The following ANK2 variants were observed in gnomAD, a reference collection of about 807,000 sequenced individuals.
ANK2 encodes the protein ankyrin-2.
A neutral mutation model predicts 360.5 loss-of-function variants in ANK2; 83 were observed. The observed-to-expected ratio is 0.23, with a 90% CI of 0.19 to 0.28. The LOEUF is 0.28. Among genes scored for constraint, ANK2 ranks in the 10% least tolerant of loss-of-function variants. The pLI, the probability that ANK2 is intolerant of heterozygous loss-of-function variation, is 1.00. For missense variants in ANK2, 4,201 were observed against 4,795.7 expected (o/e 0.88, Z 3.66); for synonymous variants, 1,740 against 1,759.5 (o/e 0.99, Z 0.28).
chr4:113,090,763 G>A (rs1217202606), intron 1 of ANK2, among the ~76,000 whole-genome samples: 1 of 152,140 alleles, frequency 6.6e-6, no homozygotes, highest in Admixed American at 6.5e-5. Context: ...ATAATATTGG[G>A]CCAGCATTCC....
chr4:113,375,740 AAAAAAG>A (rs2096906519), intron 45 of ANK2, among the ~76,000 whole-genome samples: 1 of 151,666 alleles, frequency 6.6e-6, no homozygotes, highest in East Asian at 1.9e-4. Flanking sequence ...AAAAAAAGAA[AAAAAAG>A]AAAAAGAAAA....
At chr4:113,135,143 G>A (rs576783133) in intron 1 of ANK2, among the ~76,000 whole-genome samples, 2 of 151,938 alleles carry the variant, frequency 1.3e-5, no homozygotes, top group South Asian at 4.1e-4. Context: ...GGGTGTTTTT[G>A]CATTTACAAG....
chr4:112,916,317 A>T (rs181065027), intron 2 of ANK2, among the ~76,000 whole-genome samples: 3 of 152,340 alleles, frequency 2.0e-5, no homozygotes, highest in Admixed American at 6.5e-5. Context: ...CACTAAATGC[A>T]CTATACTAAA....
chr4:112,725,454 G>A, the ANK2 span, among the ~76,000 whole-genome samples: 6 of 135,762 alleles, frequency 4.4e-5, no homozygotes, highest in South Asian at 2.7e-4. Context: ...TCTGCCTCCC[G>A]GGTTCACGCG....
At chr4:113,139,760 C>T (rs1001008448) in intron 1 of ANK2, among the ~76,000 whole-genome samples, 1 of 152,160 alleles carries the variant, frequency 6.6e-6, no homozygotes, top group Non-Finnish European at 1.5e-5. Flanking sequence ...CTTCGGAAAG[C>T]TATGCAAGCT....
chr4:113,140,849 A>G (rs1448922495), intron 1 of ANK2, among the ~76,000 whole-genome samples: 1 of 152,032 alleles, frequency 6.6e-6, no homozygotes, highest in Non-Finnish European at 1.5e-5. Context: ...GTGGTGGTGC[A>G]CGCCTGCAGT....
intron 21 of ANK2, 43 bp downstream of exon 21, chr4:113,292,557 T>TC (rs762049614): frequency 3.6e-5 from 55 of 1,525,964 alleles, no homozygotes; most frequent in Non-Finnish European, 4.4e-5. Flanking sequence ...TTCTTCTTTT[T>TC]CCTCTCTTGC....
intron 1 of ANK2, among the ~76,000 whole-genome samples, chr4:112,822,288 T>C (rs2057333935): frequency 1.4e-5 from 2 of 143,586 alleles, no homozygotes; most frequent in East Asian, 2.0e-4. Flanking sequence ...CGTGGTGGCA[T>C]GTGCCTGTAG....
intron 1 of ANK2, among the ~76,000 whole-genome samples, chr4:113,133,653 G>T (rs2096213307): frequency 6.6e-6 from 1 of 152,120 alleles, no homozygotes; most frequent in Non-Finnish European, 1.5e-5. Context: ...AAAAAATAAT[G>T]GAGTTGAGGA....
At chr4:113,323,860 T>G (rs1466140845) in intron 26 of ANK2, 1 of 1,478,648 alleles carries the variant, frequency 6.8e-7, no homozygotes, top group Non-Finnish European at 9.3e-7. Flanking sequence ...CGCCATCTCC[T>G]TCTGCATATT....
intron 1 of ANK2, among the ~76,000 whole-genome samples, chr4:113,135,556 TATG>T (rs1447618537): frequency 6.8e-6 from 1 of 147,988 alleles, no homozygotes; most frequent in African/African-American, 2.5e-5. Flanking sequence ...TGTAGACATT[TATG>T]ATAAGAGTAA....
intron 1 of ANK2, among the ~76,000 whole-genome samples, chr4:112,839,723 T>C (rs1203115807): frequency 6.6e-6 from 1 of 152,238 alleles, no homozygotes; most frequent in Non-Finnish European, 1.5e-5. Context: ...TTACAATTAA[T>C]CCATGATATG....
chr4:112,904,470 A>C, exon 2 of ANK2: 1 of 1,489,856 alleles, frequency 6.7e-7, no homozygotes, highest in South Asian at 1.3e-5. Context: ...TAATGAAAAG[A>C]GACATGAAGA....
At chr4:112,760,469 G>C in the ANK2 span, among the ~76,000 whole-genome samples, 1 of 151,428 alleles carries the variant, frequency 6.6e-6, no homozygotes, top group African/African-American at 2.4e-5. Flanking sequence ...TTACAGGCGT[G>C]AGCCCCCGTG....
intron 2 of ANK2, among the ~76,000 whole-genome samples, chr4:113,194,042 T>G (rs1365100382): frequency 3.3e-5 from 5 of 152,162 alleles, no homozygotes; most frequent in African/African-American, 1.2e-4. Flanking sequence ...TTTCAGTTGT[T>G]TAATAATAAG....
At chr4:113,344,174 T>A (rs1431810235) in intron 34 of ANK2, among the ~76,000 whole-genome samples, 6 of 152,186 alleles carry the variant, frequency 3.9e-5, no homozygotes, top group Non-Finnish European at 5.9e-5. Context: ...ATTAAGCTAA[T>A]GTTTGACATC....
chr4:113,333,296 ATATGTGTGTG>A, intron 29 of ANK2, 88 bp downstream of exon 29: 3 of 1,387,338 alleles, frequency 2.2e-6, no homozygotes, highest in Non-Finnish European at 3.0e-6. Flanking sequence ...GGGTGTGTGT[ATATGTGTGTG>A]TGTGTGTGTG....
chr4:113,133,017 C>A (rs1456807274), intron 1 of ANK2, among the ~76,000 whole-genome samples: 2 of 152,050 alleles, frequency 1.3e-5, no homozygotes. Flanking sequence ...GTCATCCAGG[C>A]CAAATTCAGA....
intron 1 of ANK2, among the ~76,000 whole-genome samples, chr4:112,856,974 A>G (rs2066593581): frequency 6.6e-6 from 1 of 152,228 alleles, no homozygotes; most frequent in Non-Finnish European, 1.5e-5. Flanking sequence ...ACAACTTAAC[A>G]GGAACTTTGC....
Sources: gnomAD v4.1 joint callset for allele counts (sites outside exome capture counted in the v4.1 genomes callset) on GRCh38, gnomAD v4.1.1 for gene constraint, MANE v1.5 for transcripts, NCBI Gene and HGNC (gene_info 2026-07-23, HGNC 2026-07-21) for gene names.